The following GXYLT2 variants were observed in gnomAD, a reference collection of about 807,000 sequenced individuals.
The protein encoded by GXYLT2 is glycosyltransferase 8 domain containing 4.
GXYLT2 carries 53 observed loss-of-function variants against 45.8 expected under a neutral mutation model. The ratio of observed to expected loss-of-function variants is 1.16; its 90% CI spans 0.93 to 1.46. The LOEUF (loss-of-function observed/expected upper bound fraction) is 1.46. GXYLT2 is among the 40% of genes most tolerant of loss of function. The pLI is 0.00. For missense variants in GXYLT2, 551 were observed against 544.4 expected (o/e 1.01, Z -0.12); for synonymous variants, 219 against 214.2 (o/e 1.02, Z -0.19).
intron 5 of GXYLT2, among the ~76,000 whole-genome samples, chr3:72,960,373 G>A (rs1388180003): frequency 6.6e-6 from 1 of 152,232 alleles, no homozygotes; most frequent in Non-Finnish European, 1.5e-5. Flanking sequence ...ATTTGAGGAT[G>A]TGATTAGTGA....
intron 3 of GXYLT2, among the ~76,000 whole-genome samples, chr3:72,950,804 A>G (rs2107136468): frequency 6.6e-6 from 1 of 152,348 alleles, no homozygotes; most frequent in African/African-American, 2.4e-5. Flanking sequence ...TGCACTGGTG[A>G]GCCCCTGATC....
At chr3:72,911,550 T>A (rs372743024) in intron 2 of GXYLT2, among the ~76,000 whole-genome samples, 3 of 152,254 alleles carry the variant, frequency 2.0e-5, no homozygotes, top group East Asian at 1.9e-4. Flanking sequence ...GGAAGCCAGC[T>A]ACCATGTCAG....
chr3:72,954,411 G>A (rs1710589754), intron 3 of GXYLT2, among the ~76,000 whole-genome samples: 1 of 145,500 alleles, frequency 6.9e-6, no homozygotes, highest in African/African-American at 2.7e-5. Context: ...GTGTGTGTGT[G>A]TGTGTGTGTG....
intron 2 of GXYLT2, among the ~76,000 whole-genome samples, chr3:72,908,870 T>G (rs1709561339): frequency 6.6e-6 from 1 of 152,096 alleles, no homozygotes; most frequent in Non-Finnish European, 1.5e-5. Flanking sequence ...CCCAAGTAGC[T>G]GGGACTACAG....
chr3:72,914,970 G>A (rs1273914344), intron 2 of GXYLT2, among the ~76,000 whole-genome samples: 1 of 152,086 alleles, frequency 6.6e-6, no homozygotes, highest in African/African-American at 2.4e-5. Context: ...CTAAGGCCAG[G>A]AGTTTGAGCC....
chr3:72,908,856 G>A (rs1709561048), intron 2 of GXYLT2, among the ~76,000 whole-genome samples: 1 of 152,006 alleles, frequency 6.6e-6, no homozygotes, highest in Admixed American at 6.6e-5. Flanking sequence ...TCCCGCCTTA[G>A]CCTCCCAAGT....
intron 3 of GXYLT2, chr3:72,929,728 T>G (rs922118530): frequency 7.0e-6 from 4 of 575,224 alleles, no homozygotes; most frequent in Non-Finnish European, 1.2e-5. Context: ...AATATTCACT[T>G]AATGCAAAAT....
chr3:72,959,580 C>T (rs1273132977), intron 5 of GXYLT2, among the ~76,000 whole-genome samples: 3 of 151,964 alleles, frequency 2.0e-5, no homozygotes, highest in Non-Finnish European at 1.5e-5. Flanking sequence ...ATGCCTTAAT[C>T]CATTTCACTG....
intron 3 of GXYLT2, among the ~76,000 whole-genome samples, chr3:72,952,621 G>T (rs977570936): frequency 6.6e-6 from 1 of 152,162 alleles, no homozygotes; most frequent in Non-Finnish European, 1.5e-5. Flanking sequence ...GAGGCTGGAA[G>T]TCTGAGATCA....
At chr3:72,900,480 T>C (rs1020679316) in intron 1 of GXYLT2, among the ~76,000 whole-genome samples, 31 of 152,188 alleles carry the variant, frequency 2.0e-4, no homozygotes, top group African/African-American at 6.3e-4. Flanking sequence ...AATGGCACAA[T>C]CTCGGCTCAC....
chr3:72,938,719 C>T lies in GXYLT2; in HGVS notation c.601-16379C>T, dbSNP rs974066610. On this transcript the variant is annotated intron_variant, in intron 3 of 6. Transcript: ENST00000389617. ...AGAGAGCCATTATCTCAGAACATGC[C>T]GGAGAAACCAGATACTTTTCAGTTA... Among the ~76,000 whole-genome samples the T allele has an allele frequency of 3.3e-5, 5 of 152,166 alleles. No homozygotes were observed. The East Asian group carries it at 7.7e-4, about 23-fold the overall frequency.
intron 3 of GXYLT2, among the ~76,000 whole-genome samples, chr3:72,944,093 G>T (rs6779535): frequency 0.81 from 121,944 of 151,286 alleles, 49,347 homozygotes; most frequent in East Asian, 0.93. Flanking sequence ...AAGTCTTTTT[G>T]TTTGTTTGTT....
At position 72,908,444 on chromosome 3, in the gene GXYLT2, G is replaced by A. The variant is rs1336964798; in HGVS notation, c.353G>A (p.Gly118Asp). The A allele has an allele frequency of 3.7e-6, 6 of 1,613,832 alleles. No individual in the cohort carries two copies. Among genetic ancestry groups the A allele is most frequent in the Non-Finnish European group, 5.1e-6 (6 of 1,179,904 alleles). Reference protein sequence around the residue: ...LWIHLAVVACGNRLEETLVML... With the variant: ...LWIHLAVVACDNRLEETLVML... ...ATCCACCTGGCTGTGGTGGCCTGTG[G>A]CAATCGGCTGGAGGAGACGCTGGTC... is the stretch of plus-strand genomic sequence containing the variant. The change falls in exon 2 of 7, where the codon GGC becomes GAC. Residue 118 changes from glycine to aspartate, a missense_variant. Coordinates refer to ENST00000389617, the MANE Select transcript of GXYLT2 (RefSeq NM_001080393.2).
At chr3:72,926,481 T>C (rs1325391031) in intron 3 of GXYLT2, among the ~76,000 whole-genome samples, 1 of 152,214 alleles carries the variant, frequency 6.6e-6, no homozygotes, top group Non-Finnish European at 1.5e-5. Context: ...TAAAACAATA[T>C]GCCAATTACA....
intron 3 of GXYLT2, among the ~76,000 whole-genome samples, chr3:72,943,072 A>T (rs1156364458): frequency 6.6e-6 from 1 of 152,202 alleles, no homozygotes; most frequent in Non-Finnish European, 1.5e-5. Flanking sequence ...TTAAAAACAC[A>T]GCCAGACACA....
chr3:72,957,392 A>T, intron 5 of GXYLT2, 40 bp downstream of exon 5: 1 of 1,555,308 alleles, frequency 6.4e-7, no homozygotes, highest in Non-Finnish European at 8.7e-7. Context: ...GTAGGAGTAC[A>T]CTCAGCACAC....
chr3:72,929,257 G>T, intron 3 of GXYLT2: 2 of 1,485,334 alleles, frequency 1.3e-6, no homozygotes, highest in East Asian at 2.3e-5. Context: ...AACTGATGAC[G>T]TTGCAGAACC....
chr3:72,929,398 T>G, intron 3 of GXYLT2: 1 of 1,124,746 alleles, frequency 8.9e-7, no homozygotes, highest in East Asian at 2.3e-5. Flanking sequence ...CTACTGGAAC[T>G]GCACAAACTG....
intron 2 of GXYLT2, among the ~76,000 whole-genome samples, chr3:72,921,825 G>GT (rs1036455415): frequency 6.6e-6 from 1 of 152,072 alleles, no homozygotes; most frequent in Non-Finnish European, 1.5e-5. Flanking sequence ...AGTTTGTTGG[G>GT]TTTTTTTCCT....
Sources: allele counts gnomAD v4.1 joint callset (sites outside exome capture counted in the v4.1 genomes callset), GRCh38; gene constraint gnomAD v4.1.1; transcripts MANE v1.5; gene names NCBI Gene and HGNC (gene_info 2026-07-23, HGNC 2026-07-21).